NDOR1: variants seen among roughly 807,000 people sequenced by gnomAD.
NDOR1 encodes NADPH-dependent diflavin oxidoreductase 1.
In NDOR1, 61 loss-of-function variants were observed where a neutral mutation model predicts 67.2. The ratio of observed to expected loss-of-function variants is 0.91; its 90% confidence interval spans 0.74 to 1.12. NDOR1 has a LOEUF of 1.12. Ranked by LOEUF, NDOR1 falls within the 50% of genes most tolerant of loss-of-function variation. The pLI is 0.00. For missense variants in NDOR1, 878 were observed against 802.8 expected, an observed-to-expected ratio of 1.09 and a Z score of -1.13; for synonymous variants, 378 against 343.7, an observed-to-expected ratio of 1.10 and a Z score of -1.10.
chr9:137,213,153 G>A (rs750104809), intron 3 of NDOR1, among the ~76,000 whole-genome samples: 13 of 152,198 alleles, frequency 8.5e-5, no homozygotes, highest in Non-Finnish European at 5.9e-5. Flanking sequence ...GAAAAAGAAC[G>A]GGAAGATCGG....
rs759900259 is a variant in NDOR1, at chr9:137,214,990, G to T, written c.1037G>T (p.Cys346Phe). The T allele has an allele frequency of 3.1e-6, 5 of 1,613,252 alleles. No homozygotes were observed. The highest frequency in any genetic ancestry group is 1.3e-5 in the African/African-American group (1 of 75,050). The change falls in exon 8 of 14, where the codon TGC becomes TTC. Residue 346 changes from cysteine to phenylalanine, a missense_variant. Transcript: ENST00000684003. Reference sequence around the variant, plus strand: ...GGCCAGGAGGAGCTCTTTGAATACTGCAACCGGCCCCGCAGGACCATCCTG... The same window carrying T: ...GGCCAGGAGGAGCTCTTTGAATACTTCAACCGGCCCCGCAGGACCATCCTG... ...AQGQEELFEYCNRPRRTILEV... is the reference protein window; with the variant it reads ...AQGQEELFEYFNRPRRTILEV...
In NDOR1 at chr9:137,214,300, G is replaced by C; in HGVS notation, c.609G>C (p.Pro203=). The change falls in exon 6 of 14, where the codon CCG becomes CCC. Residue 203 remains proline (P), a synonymous_variant. Transcript: ENST00000684003. ...RVAHPGSQEP[P]SESKPFLAPM... ...CTCACCCCGGCTCTCAGGAGCCCCC[G>C]TCAGAGTCGAAGCCCTTCCTAGCAC... is the stretch of plus-strand genomic sequence containing the variant. 6.2e-7 allele frequency: 1 copy of C among 1,613,974 alleles called. No homozygotes were observed. Among genetic ancestry groups the C allele is most frequent in the Non-Finnish European group, 8.5e-7 (1 of 1,180,016 alleles).
Position 137,212,478 on chromosome 9 carries a change from A to G in NDOR1, c.214-24A>G. On this transcript the variant is annotated intron_variant, in intron 2 of 13. Coordinates refer to ENST00000684003, the MANE Select transcript of NDOR1 (RefSeq NM_014434.4). This position sits in a 1 kb window ranked among gnomAD's most constrained non-coding sequence, Gnocchi z 4.3. Reference sequence around the variant, plus strand: ...GCTAGCCTAGAGGTCGAGGACTCTGACTCAGAGTTTCCTCCGGCTGTAGAA... The same window carrying G: ...GCTAGCCTAGAGGTCGAGGACTCTGGCTCAGAGTTTCCTCCGGCTGTAGAA... 9 of 1,607,466 alleles carry G rather than the reference A, an allele frequency of 5.6e-6. No individual in the cohort carries two copies. The highest frequency in any genetic ancestry group is 7.7e-6 in the Non-Finnish European group (9 of 1,174,106).
chr9:137,214,029 C>G lies in NDOR1; in HGVS notation c.473C>G (p.Pro158Arg). The G allele has an allele frequency of 2.6e-6, 4 of 1,546,530 alleles. No homozygotes were observed. Among genetic ancestry groups the G allele is most frequent in the Non-Finnish European group, 3.5e-6 (4 of 1,148,398 alleles). The change falls in exon 5 of 14, where the codon CCG (proline) becomes CGG (arginine). Residue 158 changes from proline (P) to arginine (R), a missense_variant. By Grantham distance (103) the Pro-to-Arg change is moderately radical. Coordinates refer to ENST00000684003, the MANE Select transcript of NDOR1 (RefSeq NM_014434.4). ...DLWDRVLGLY[P>R]PPPGLTEIPP... ...TGGGACAGGGTTCTGGGGCTGTACC[C>G]GCCGCCTCCGGGCCTCACTGAGATC...
At position 137,214,346 on chromosome 9, in the gene NDOR1, G is replaced by A; in HGVS notation, c.655G>A (p.Val219Ile). The change falls in exon 6 of 14, where the codon GTC becomes ATC. Residue 219 changes from valine (V) to isoleucine (I), a missense_variant. By Grantham distance (29) the Val-to-Ile change is conservative. Coordinates refer to ENST00000684003, the MANE Select transcript of NDOR1 (RefSeq NM_014434.4). ...AGCACCCATGATCTCCAACCAGAGA[G>A]TCACCGGCCCCTCCCACTTCCAGGA... The part of the protein sequence containing the change: ...FLAPMISNQR[V>I]TGPSHFQDVR... The A allele has an allele frequency of 6.2e-7, 1 of 1,614,182 alleles. No homozygotes were observed. The highest frequency in any genetic ancestry group is 8.5e-7 in the Non-Finnish European group (1 of 1,180,034).
At position 137,214,811 on chromosome 9, in the gene NDOR1, C is replaced by T. The variant is rs781292253; in HGVS notation, c.858C>T (p.Pro286=). The T allele has an allele frequency of 4.4e-6, 7 of 1,603,856 alleles. No individual in the cohort carries two copies. The highest frequency in any genetic ancestry group is 1.1e-5 in the South Asian group (1 of 91,060). The change falls in exon 8 of 14, where the codon CCC becomes CCT. Residue 286 remains proline (P), a synonymous_variant. Coordinates refer to ENST00000684003, the MANE Select transcript of NDOR1 (RefSeq NM_014434.4). ...LQPREPDVSS[P]TRLPQPCSMR... Reference sequence around the variant, plus strand: ...CTCACCCTGCAGATGTCTCCTCCCCCACGAGGCTGCCCCAGCCCTGCTCCA... The same window carrying T: ...CTCACCCTGCAGATGTCTCCTCCCCTACGAGGCTGCCCCAGCCCTGCTCCA...
rs139799853 is a variant in NDOR1, at chr9:137,214,813, C to A, written c.860C>A (p.Thr287Lys). ...CACCCTGCAGATGTCTCCTCCCCCA[C>A]GAGGCTGCCCCAGCCCTGCTCCATG... Reference protein sequence around the residue: ...QPREPDVSSPTRLPQPCSMRH... With the variant: ...QPREPDVSSPKRLPQPCSMRH... Residue 287 changes from threonine (T) to lysine (K), a missense_variant, in exon 8 of 14, where the codon ACG becomes AAG. Thr to Lys is a moderately conservative substitution (Grantham distance 78, BLOSUM62 -1). Transcript: ENST00000684003. 1.9e-6 allele frequency: 3 copies of A among 1,603,940 alleles called. No homozygotes were observed. The highest frequency in any genetic ancestry group is 2.5e-6 in the Non-Finnish European group (3 of 1,178,368).
chr9:137,216,017 G>T lies in NDOR1; in HGVS notation c.1554G>T (p.Gln518His), dbSNP rs755761820. Residue 518 changes from glutamine (Q) to histidine (H), a missense_variant and splice_region_variant, in exon 12 of 14, where the codon CAG becomes CAT. Gln to His is a conservative substitution (Grantham distance 24). Transcript: ENST00000684003. The part of the protein sequence containing the change: ...LTLIPAFSRE[Q>H]EQKVYVQHRL... ...TCATCCCTGCCTTCTCCCGGGAACAGGTGTGTATGCTCAGGGGCTGGGAAA... is the reference window on the plus strand; with the variant it reads ...TCATCCCTGCCTTCTCCCGGGAACATGTGTGTATGCTCAGGGGCTGGGAAA... The T allele has an allele frequency of 3.7e-6, 6 of 1,613,572 alleles. No individual in the cohort carries two copies. In the South Asian group the frequency reaches 5.5e-5, roughly 15 times the overall value.
rs1009491609 is a variant in NDOR1, at chr9:137,217,417, G to A, written c.*1001G>A. 6.6e-6 allele frequency: 1 copy of A among 152,520 alleles called. No individual in the cohort carries two copies. The highest frequency in any genetic ancestry group is 1.5e-5 in the Non-Finnish European group (1 of 68,246). 9.4% of individuals were successfully genotyped at this position (152,520 alleles called of 1,614,324 possible). The stretch of plus-strand genomic sequence containing the variant: ...AAGAGGAGCGGCAGGAGGGGGCGTG[G>A]TTGTGCAGCCCCACCCCCGGGAGGG... On this transcript the variant is annotated 3_prime_UTR_variant, in exon 14 of 14. Transcript: ENST00000684003.
At chr9:137,208,541 T>C (rs1835093675) in intron 2 of NDOR1, among the ~76,000 whole-genome samples, 1 of 150,054 alleles carries the variant, frequency 6.7e-6, no homozygotes, top group South Asian at 2.1e-4. Context: ...AAGGAGTTTT[T>C]TATGAGAGAC....
Position 137,217,262 on chromosome 9 carries a change from C to T in NDOR1, c.*846C>T, listed in dbSNP as rs78619505. Among the ~76,000 whole-genome samples the T allele has an allele frequency of 0.058, 8,814 of 152,232 alleles. 349 individuals carry two copies. Among genetic ancestry groups the T allele is most frequent in the African/African-American group, 0.11 (4,360 of 41,510 alleles). ...TTATGTCTGCCTCTAATGGGATGTG[C>T]GCCCTGACTGCCTCGTTCTTAAGGG... On this transcript the variant is annotated 3_prime_UTR_variant, in exon 14 of 14. Coordinates refer to ENST00000684003, the MANE Select transcript of NDOR1 (RefSeq NM_014434.4).
chr9:137,211,823 A>C (rs545952338), intron 2 of NDOR1, among the ~76,000 whole-genome samples: 1 of 151,238 alleles, frequency 6.6e-6, no homozygotes, highest in African/African-American at 2.4e-5. Flanking sequence ...GGCGGCGAAG[A>C]CCACGCACAC....
At chr9:137,213,176 C>T (rs999960796) in intron 3 of NDOR1, among the ~76,000 whole-genome samples, 2 of 152,264 alleles carry the variant, frequency 1.3e-5, no homozygotes, top group Admixed American at 1.3e-4. Flanking sequence ...ACAGCTCCCC[C>T]CGGTTCTGCC....
chr9:137,214,690 A>C lies in NDOR1; in HGVS notation c.843A>C (p.Pro281=), dbSNP rs751254154. Residue 281 remains proline, a splice_region_variant and synonymous_variant, in exon 7 of 14, where the codon CCA becomes CCC. Coordinates refer to ENST00000684003, the MANE Select transcript of NDOR1 (RefSeq NM_014434.4). ...TCTTCATGCTGCAGCCGCGGGAGCCAGGTGAGCCCAGCCTCGGCCACCCTG... is the reference window on the plus strand; with the variant it reads ...TCTTCATGCTGCAGCCGCGGGAGCCCGGTGAGCCCAGCCTCGGCCACCCTG... The part of the protein sequence containing the change: ...DQLFMLQPRE[P]DVSSPTRLPQ... The C allele has an allele frequency of 6.2e-7, 1 of 1,602,464 alleles. No individual in the cohort carries two copies. Among genetic ancestry groups the C allele is most frequent in the Non-Finnish European group, 8.5e-7 (1 of 1,179,744 alleles).
Position 137,214,370 on chromosome 9 carries a change from G to A in NDOR1, c.679G>A (p.Asp227Asn), listed in dbSNP as rs1835420619. ...QRVTGPSHFQ[D>N]VRLIEFDILG... Reference sequence around the variant, plus strand: ...AGTCACCGGCCCCTCCCACTTCCAGGACGTTCGGCTGATTGAGTTTGACAT... The same window carrying A: ...AGTCACCGGCCCCTCCCACTTCCAGAACGTTCGGCTGATTGAGTTTGACAT... The change falls in exon 6 of 14, where the codon GAC (aspartate) becomes AAC (asparagine). Residue 227 changes from aspartate to asparagine, a missense_variant. Physicochemically the swap from Asp to Asn is conservative, Grantham distance 23 (BLOSUM62 1). Coordinates refer to ENST00000684003, the MANE Select transcript of NDOR1 (RefSeq NM_014434.4). 3.1e-6 allele frequency: 5 copies of A among 1,614,060 alleles called. No individual in the cohort carries two copies. Among genetic ancestry groups the A allele is most frequent in the Non-Finnish European group, 4.2e-6 (5 of 1,180,040 alleles).
At chr9:137,210,243 CAG>C (rs1200203749) in intron 2 of NDOR1, among the ~76,000 whole-genome samples, 2 of 152,186 alleles carry the variant, frequency 1.3e-5, no homozygotes, top group Non-Finnish European at 2.9e-5. Context: ...TTTCTGGAGA[CAG>C]AGCTCTTGCT....
Position 137,206,252 on chromosome 9 carries a change from C to T in NDOR1, c.156C>T (p.Pro52=). 2 of 1,613,926 alleles carry T rather than the reference C, an allele frequency of 1.2e-6. No individual in the cohort carries two copies. Among genetic ancestry groups the T allele is most frequent in the African/African-American group, 2.7e-5 (2 of 74,992 alleles). The change falls in exon 2 of 14, where the codon CCC becomes CCT. Residue 52 remains proline, a synonymous_variant. Coordinates refer to ENST00000684003, the MANE Select transcript of NDOR1 (RefSeq NM_014434.4). ...SYPVVNLINE[P]LVIFVCATTG... is the part of the protein sequence containing the mutation. ...TTGAGGTGAATCTGATTAACGAGCC[C>T]CTGGTGATATTTGTTTGTGCAACTA...
Position 137,212,641 on chromosome 9 carries a change from G to GATCCCACCCTTTGAGCCTGC in NDOR1, c.311+42_311+43insATCCCACCCTTTGAGCCTGC, listed in dbSNP as rs764564940. 1 of 1,563,002 alleles carries GATCCCACCCTTTGAGCCTGC rather than the reference G, an allele frequency of 6.4e-7. No homozygotes were observed. The highest frequency in any genetic ancestry group is 2.2e-5 in the East Asian group (1 of 44,568). On this transcript the variant is annotated intron_variant, in intron 3 of 13. Coordinates refer to ENST00000684003, the MANE Select transcript of NDOR1 (RefSeq NM_014434.4). The surrounding 1 kb of genome is among the most constrained non-coding windows in gnomAD (Gnocchi z 4.3). ...ACAGTGGGCGGACGGAACAGTTCTGGGGGTCGAGCAACAGGTGTGCTGGCA... is the reference window on the plus strand; with the variant it reads ...ACAGTGGGCGGACGGAACAGTTCTGGATCCCACCCTTTGAGCCTGCGGGTCGAGCAACAGGTGTGCTGGCA...
chr9:137,205,974 G>T, intron 1 of NDOR1, 62 bp downstream of exon 1: 2 of 1,504,742 alleles, frequency 1.3e-6, no homozygotes. Context: ...CGCCTCGCGG[G>T]GTCATCGACC....
Sources: allele counts gnomAD v4.1 joint callset (sites outside exome capture counted in the v4.1 genomes callset), GRCh38; gene constraint gnomAD v4.1.1; non-coding constraint Gnocchi (gnomAD v3.1); transcripts MANE v1.5; gene names NCBI Gene and HGNC (gene_info 2026-07-23, HGNC 2026-07-21).